Variants in LVRN observed in about 807,000 individuals in gnomAD.
LVRN encodes laeverin.
Under a neutral mutation model 111.4 loss-of-function variants are expected in LVRN, and 99 were observed. The observed-to-expected ratio is 0.89, with a 90% CI of 0.76 to 1.05. The LOEUF is 1.05. LVRN is among the 50% of genes least tolerant of loss of function. The probability of loss-of-function intolerance (pLI) is 0.00; values close to 1 mark genes in which losing one functional copy is unlikely to be tolerated. For missense variants in LVRN, 1,414 were observed against 1,206.8 expected, an observed-to-expected ratio of 1.17 and a Z score of -2.54; for synonymous variants, 488 against 449.5, an observed-to-expected ratio of 1.09 and a Z score of -1.08.
chr5:116,006,373 T>C (rs2112615184), intron 13 of LVRN, among the ~76,000 whole-genome samples: 1 of 152,300 alleles, frequency 6.6e-6, no homozygotes, highest in South Asian at 2.1e-4. Flanking sequence ...TAATACATTA[T>C]CTAGTATTTT....
At position 116,027,142 on chromosome 5, in the gene LVRN, A is replaced by G. The variant is rs1014825753; in HGVS notation, c.*1024A>G. 1.3e-5 allele frequency: 2 copies of G among 152,254 alleles called. No homozygotes were observed. Among genetic ancestry groups the G allele is most frequent in the African/African-American group, 4.8e-5 (2 of 41,476 alleles). The allele number at this position is 152,254 out of a possible 1,614,324, so 9.4% of individuals were successfully genotyped here. Reference sequence around the variant, plus strand: ...TTCATCAGTCCCAATGTATGGAATTAGCTTAGTTTTCTCATGCTTGATTAA... The same window carrying G: ...TTCATCAGTCCCAATGTATGGAATTGGCTTAGTTTTCTCATGCTTGATTAA... On this transcript the variant is annotated 3_prime_UTR_variant, in exon 20 of 20. Transcript: ENST00000357872.
chr5:115,991,921 T>A (rs1241614431), intron 4 of LVRN, among the ~76,000 whole-genome samples: 3 of 152,230 alleles, frequency 2.0e-5, no homozygotes, highest in Non-Finnish European at 4.4e-5. Flanking sequence ...TTATCAAGAA[T>A]ATTTTATGTT....
chr5:115,983,976 G>T (rs1377872012), intron 2 of LVRN, among the ~76,000 whole-genome samples: 1 of 152,160 alleles, frequency 6.6e-6, no homozygotes, highest in Non-Finnish European at 1.5e-5. Context: ...GTCATCTAAA[G>T]GCAGGTTCCC....
At chr5:115,976,181 C>G (rs1479345846) in intron 1 of LVRN, 1 of 152,296 alleles carries the variant, frequency 6.6e-6, no homozygotes, top group Non-Finnish European at 1.5e-5. Context: ...CCTTCACAAC[C>G]TCTTTGATTC....
In LVRN at chr5:115,963,016, C is replaced by T. The variant is rs571373626; in HGVS notation, c.399C>T (p.Ile133=). ...TGCCCTTCACTGGCCGCGTGAACAT[C>T]ACGGTGCGCTGCACGGTGGCCACCT... ...GSLPFTGRVN[I]TVRCTVATSR... is the part of the protein sequence containing the mutation. Residue 133 remains isoleucine (I), a synonymous_variant, in exon 1 of 20, where the codon ATC becomes ATT. Coordinates refer to ENST00000357872, the MANE Select transcript of LVRN (RefSeq NM_173800.5). 3.7e-6 allele frequency: 6 copies of T among 1,613,550 alleles called. No homozygotes were observed. Among genetic ancestry groups the T allele is most frequent in the African/African-American group, 2.7e-5 (2 of 74,906 alleles).
intron 5 of LVRN, among the ~76,000 whole-genome samples, chr5:115,993,033 C>T (rs1024445752): frequency 2.0e-5 from 3 of 152,084 alleles, no homozygotes; most frequent in African/African-American, 7.2e-5. Flanking sequence ...ATTAAGTCAC[C>T]CGAAGTGTCA....
intron 9 of LVRN, 142 bp downstream of exon 9, chr5:116,000,800 T>C: frequency 1.1e-6 from 1 of 893,174 alleles, no homozygotes; most frequent in Non-Finnish European, 1.7e-6. Context: ...ATGGGTAGTG[T>C]CTTTAGTCTT....
chr5:116,008,029 A>G (rs1302722259), intron 13 of LVRN, among the ~76,000 whole-genome samples: 3 of 152,122 alleles, frequency 2.0e-5, no homozygotes, highest in African/African-American at 7.2e-5. Flanking sequence ...TGGCGTTTCC[A>G]TTCCCTGAGA....
At chr5:115,986,428 T>C (rs1467241161) in intron 3 of LVRN, among the ~76,000 whole-genome samples, 4 of 152,144 alleles carry the variant, frequency 2.6e-5, no homozygotes, top group East Asian at 1.9e-4. Flanking sequence ...CGGGATGATA[T>C]CGATTTATCT....
chr5:115,972,247 A>G (rs1753343814), intron 1 of LVRN, among the ~76,000 whole-genome samples: 1 of 152,040 alleles, frequency 6.6e-6, no homozygotes, highest in South Asian at 2.1e-4. Context: ...ACAAGCCACA[A>G]CTGAAAAATA....
Position 115,962,488 on chromosome 5 carries a change from T to G in LVRN, c.-130T>G. 1.2e-6 allele frequency: 1 copy of G among 832,920 alleles called. No homozygotes were observed. The highest frequency in any genetic ancestry group is 1.6e-5 in the South Asian group (1 of 61,544). 51.6% of individuals were successfully genotyped at this position (832,920 alleles called of 1,614,324 possible). Reference sequence around the variant, plus strand: ...CTGCTGAGCTCCAGTCCGTCCAGGCTCTTCCAGGAGGAAGAGGCACGATAC... The same window carrying G: ...CTGCTGAGCTCCAGTCCGTCCAGGCGCTTCCAGGAGGAAGAGGCACGATAC... On this transcript the variant is annotated 5_prime_UTR_variant, in exon 1 of 20. Transcript: ENST00000357872.
At chr5:115,988,198 C>T (rs1430202038) in intron 4 of LVRN, among the ~76,000 whole-genome samples, 1 of 152,232 alleles carries the variant, frequency 6.6e-6, no homozygotes, top group Non-Finnish European at 1.5e-5. Flanking sequence ...TACTCAATGG[C>T]AGCCTCCCGT....
chr5:116,006,829 CCT>C, intron 13 of LVRN, among the ~76,000 whole-genome samples: 1 of 152,286 alleles, frequency 6.6e-6, no homozygotes, highest in African/African-American at 2.4e-5. Flanking sequence ...TATCTTTCCC[CCT>C]GTCTTAGGTT....
intron 16 of LVRN, among the ~76,000 whole-genome samples, 184 bp downstream of exon 16, chr5:116,014,711 T>C (rs1436534216): frequency 6.6e-6 from 1 of 152,204 alleles, no homozygotes; most frequent in Non-Finnish European, 1.5e-5. Context: ...TGTATAACGA[T>C]AGACTAGAAT....
At position 116,012,445 on chromosome 5, in the gene LVRN, A is replaced by G. The variant is rs1416881460; in HGVS notation, c.2319A>G (p.Ala773=). ...CTATAATTCGTGAAAATGTGTTGGC[A>G]TTACAAGATGACTACTTAGCTCTGT... is the stretch of plus-strand genomic sequence containing the variant. ...YSTIIRENVL[A]LQDDYLALIS... Residue 773 remains alanine (A), a synonymous_variant, in exon 15 of 20, where the codon GCA becomes GCG. Transcript: ENST00000357872. 5.8e-6 allele frequency: 9 copies of G among 1,548,746 alleles called. No homozygotes were observed. Among genetic ancestry groups the G allele is most frequent in the South Asian group, 4.6e-5 (4 of 86,998 alleles).
chr5:115,997,049 T>C (rs1326692816), intron 6 of LVRN, among the ~76,000 whole-genome samples: 2 of 152,150 alleles, frequency 1.3e-5, no homozygotes, highest in African/African-American at 2.4e-5. Context: ...AGGATAATAA[T>C]AAAAATAATG....
chr5:116,020,235 A>G (rs1398306375), intron 18 of LVRN: 2 of 152,204 alleles, frequency 1.3e-5, no homozygotes, highest in Non-Finnish European at 2.9e-5. Flanking sequence ...GAAAGACTCC[A>G]TTGGTCATAA....
At chr5:116,005,806 A>G in intron 12 of LVRN, 106 bp from the exon 13 acceptor site, 1 of 869,820 alleles carries the variant, frequency 1.1e-6, no homozygotes, top group Non-Finnish European at 2.0e-6. Context: ...AAGTCACGTG[A>G]AGGTGCTTTA....
chr5:116,014,498 C>G lies in LVRN; in HGVS notation c.2421C>G (p.Phe807Leu), dbSNP rs760346178. 1 of 1,613,444 alleles carries G rather than the reference C, an allele frequency of 6.2e-7. No individual in the cohort carries two copies. The highest frequency in any genetic ancestry group is 1.1e-5 in the South Asian group (1 of 91,028). Residue 807 changes from phenylalanine to leucine, a missense_variant, in exon 16 of 20, where the codon TTC becomes TTG. Physicochemically the swap from Phe to Leu is conservative, Grantham distance 22. Transcript: ENST00000357872. Reference sequence around the variant, plus strand: ...GCCTTCAGCTGTCAAAAGAACTTTTCGCAAAATGGGTGGATCATCCAGAAA... The same window carrying G: ...GCCTTCAGCTGTCAAAAGAACTTTTGGCAAAATGGGTGGATCATCCAGAAA... ...EDCLQLSKEL[F>L]AKWVDHPENE...
Sources: allele counts gnomAD v4.1 joint callset (sites outside exome capture counted in the v4.1 genomes callset), GRCh38; gene constraint gnomAD v4.1.1; transcripts MANE v1.5; gene names NCBI Gene and HGNC (gene_info 2026-07-23, HGNC 2026-07-21).